The following MACROD2 variants were observed in gnomAD, a reference collection of about 807,000 sequenced individuals.
MACROD2 encodes mono-ADP ribosylhydrolase 2.
Under a neutral mutation model 70.4 loss-of-function variants are expected in MACROD2, and 36 were observed. That is an observed-to-expected ratio of 0.51 (90% confidence interval 0.39 to 0.68). MACROD2 has a LOEUF of 0.68. Ranked by LOEUF, MACROD2 falls within the 30% of genes least tolerant of loss-of-function variation. The probability of loss-of-function intolerance (pLI) is 0.00; values close to 1 mark genes in which losing one functional copy is unlikely to be tolerated. For missense variants in MACROD2, 496 were observed against 538.4 expected (o/e 0.92, Z 0.78); for synonymous variants, 172 against 178.8 (o/e 0.96, Z 0.30).
chr20:14,459,633 AT>A (rs952026401), intron 3 of MACROD2, among the ~76,000 whole-genome samples: 3 of 151,214 alleles, frequency 2.0e-5, no homozygotes, highest in African/African-American at 7.3e-5. Context: ...ACCAGTTCTA[AT>A]TTTTTTTTAC....
At chr20:14,704,615 C>G (rs574526933) in intron 5 of MACROD2, among the ~76,000 whole-genome samples, 1 of 152,294 alleles carries the variant, frequency 6.6e-6, no homozygotes, top group African/African-American at 2.4e-5. Context: ...GTTTTCCTCC[C>G]TCTAGCTTCA....
chr20:15,959,770 G>A (rs938074059), intron 12 of MACROD2, among the ~76,000 whole-genome samples: 3 of 152,028 alleles, frequency 2.0e-5, no homozygotes, highest in Non-Finnish European at 4.4e-5. Context: ...CTGACCTCGT[G>A]ATCTGCCCTC....
At chr20:15,979,782 TAATC>T (rs1041546596) in intron 13 of MACROD2, among the ~76,000 whole-genome samples, 18 of 152,266 alleles carry the variant, frequency 1.2e-4, no homozygotes, top group Admixed American at 1.3e-4. Flanking sequence ...CATTACTAGA[TAATC>T]AACCTAAAAG....
intron 4 of MACROD2, among the ~76,000 whole-genome samples, chr20:14,677,283 T>C (rs1416381438): frequency 6.6e-6 from 1 of 152,210 alleles, no homozygotes; most frequent in African/African-American, 2.4e-5. Context: ...TATTCTATAA[T>C]AACATCTTCA....
chr20:14,843,986 A>C (rs1440832115), intron 5 of MACROD2, among the ~76,000 whole-genome samples: 1 of 151,920 alleles, frequency 6.6e-6, no homozygotes, highest in Non-Finnish European at 1.5e-5. Flanking sequence ...TTCCACCATC[A>C]CCAAGCTGTC....
intron 4 of MACROD2, among the ~76,000 whole-genome samples, chr20:14,517,858 CT>C (rs926344779): frequency 6.6e-5 from 10 of 150,624 alleles, no homozygotes; most frequent in African/African-American, 1.7e-4. Flanking sequence ...TTTCTGGGCT[CT>C]TTTTTTTTAA....
At chr20:16,021,733 G>T (rs970714470) in intron 15 of MACROD2, among the ~76,000 whole-genome samples, 2 of 152,130 alleles carry the variant, frequency 1.3e-5, no homozygotes, top group African/African-American at 2.4e-5. Flanking sequence ...ATCGCAATGA[G>T]GTTAAATAAC....
chr20:14,917,000 T>C (rs1041092004), intron 5 of MACROD2, among the ~76,000 whole-genome samples: 83 of 152,080 alleles, frequency 5.5e-4, no homozygotes, highest in African/African-American at 2.0e-3. Context: ...CTGTGGCACA[T>C]ACTACATGCC....
intron 2 of MACROD2, among the ~76,000 whole-genome samples, chr20:14,077,631 C>T (rs1267754562): frequency 6.6e-6 from 1 of 152,090 alleles, no homozygotes. Flanking sequence ...AATAAGATTA[C>T]TGGTTATTCC....
intron 3 of MACROD2, among the ~76,000 whole-genome samples, chr20:14,211,502 T>TA (rs2122133990): frequency 6.6e-6 from 1 of 152,338 alleles, no homozygotes; most frequent in South Asian, 2.1e-4. Flanking sequence ...GGGAAAATGC[T>TA]AGATAGCTTT....
chr20:14,444,761 CCT>C (rs2084164899), intron 3 of MACROD2, among the ~76,000 whole-genome samples: 1 of 152,032 alleles, frequency 6.6e-6, no homozygotes, highest in East Asian at 1.9e-4. Context: ...TCTTGGTATT[CCT>C]GTTTTTCTCT....
intron 4 of MACROD2, among the ~76,000 whole-genome samples, chr20:14,676,348 G>T (rs1256043447): frequency 6.6e-6 from 1 of 152,108 alleles, no homozygotes; most frequent in Non-Finnish European, 1.5e-5. Flanking sequence ...CAAAAGAACG[G>T]AAATCATAAC....
intron 2 of MACROD2, among the ~76,000 whole-genome samples, chr20:14,054,792 G>A (rs2053613444): frequency 6.6e-6 from 1 of 152,116 alleles, no homozygotes; most frequent in South Asian, 2.1e-4. Flanking sequence ...TTTCAATGGG[G>A]CCAGAAAACT....
Position 15,214,042 on chromosome 20 carries a change from C to A in MACROD2, c.419-15898C>A, listed in dbSNP as rs182406814. Among the ~76,000 whole-genome samples, 108 of 152,120 alleles carry A rather than the reference C, an allele frequency of 7.1e-4. 1 individual carries two copies. Among genetic ancestry groups the A allele is most frequent in the Non-Finnish European group, 9.6e-4 (65 of 67,950 alleles). ...TTACAGGTGTGAGCCATGGCTCCCA[C>A]CCCCTTCTTTTCTGACAGTAGGAAA... On this transcript the variant is annotated intron_variant, in intron 5 of 17. Coordinates refer to ENST00000684519, the MANE Select transcript of MACROD2 (RefSeq NM_001351661.2).
At chr20:15,406,183 G>T (rs11907040) in intron 6 of MACROD2, among the ~76,000 whole-genome samples, 1 of 152,168 alleles carries the variant, frequency 6.6e-6, no homozygotes. Flanking sequence ...GTTTGATGCC[G>T]TTGTCATTTA....
At chr20:15,429,317 C>T (rs2046337018) in intron 6 of MACROD2, among the ~76,000 whole-genome samples, 1 of 152,130 alleles carries the variant, frequency 6.6e-6, no homozygotes, top group Admixed American at 6.6e-5. Context: ...CCGTCAGAAT[C>T]AAAGCATTGA....
intron 15 of MACROD2, among the ~76,000 whole-genome samples, chr20:16,039,085 A>G (rs368967399): frequency 3.3e-5 from 5 of 152,046 alleles, no homozygotes; most frequent in African/African-American, 1.2e-4. Flanking sequence ...TGCAGGCTCT[A>G]TTCAACTTCT....
chr20:15,433,752 C>CAAA lies in MACROD2; in HGVS notation c.571+2326_571+2328dup, dbSNP rs140272189. Among the ~76,000 whole-genome samples the CAAA allele has an allele frequency of 8.3e-4, 123 of 147,332 alleles. 1 individual carries two copies. Among genetic ancestry groups the CAAA allele is most frequent in the South Asian group, 1.9e-3 (9 of 4,684 alleles). On this transcript the variant is annotated intron_variant, in intron 7 of 17. Transcript: ENST00000684519. ...CCTGCATAGCCAAAGTAATATTAAG[C>CAAA]AAAAAAAAAAATCTGGAGGCATGAC...
intron 5 of MACROD2, among the ~76,000 whole-genome samples, chr20:14,944,173 T>C (rs1004365351): frequency 2.6e-5 from 4 of 151,466 alleles, no homozygotes; most frequent in Admixed American, 6.6e-5. Context: ...TGTTAAAATA[T>C]AAAGAAGAAT....
Sources: gnomAD v4.1 joint callset for allele counts (sites outside exome capture counted in the v4.1 genomes callset) on GRCh38, gnomAD v4.1.1 for gene constraint, MANE v1.5 for transcripts, NCBI Gene and HGNC (gene_info 2026-07-23, HGNC 2026-07-21) for gene names.